The following MUC7 variants were observed in gnomAD, a reference collection of about 807,000 sequenced individuals.
MUC7 encodes mucin-7.
A neutral mutation model predicts 2.5 loss-of-function variants in MUC7; 2 were observed. That is an observed-to-expected ratio of 0.81 (90% CI 0.33 to 2.55). MUC7 has a LOEUF of 2.55. Among genes scored for constraint, MUC7 ranks in the 30% most tolerant of loss-of-function variants. The pLI, the probability that MUC7 is intolerant of heterozygous loss-of-function variation, is 0.11. For missense variants in MUC7, 408 were observed against 455.6 expected, an observed-to-expected ratio of 0.90 and a Z score of 0.95; for synonymous variants, 133 against 173.4, an observed-to-expected ratio of 0.77 and a Z score of 1.83.
chr4:70,464,631 A>G (rs973959001), intron 1 of MUC7, among the ~76,000 whole-genome samples: 7 of 152,150 alleles, frequency 4.6e-5, no homozygotes, highest in Admixed American at 1.3e-4. Flanking sequence ...AAAGCCACCA[A>G]GAGTTTGAAC....
At chr4:70,444,609 C>G (rs1245983389) in intron 1 of MUC7, among the ~76,000 whole-genome samples, 2 of 152,148 alleles carry the variant, frequency 1.3e-5, no homozygotes, top group Admixed American at 1.3e-4. Flanking sequence ...TTTTTTATAG[C>G]CACTGATTAT....
chr4:70,464,851 G>T lies in MUC7; in HGVS notation c.-92-7364G>T, dbSNP rs536230017. ...GCTGACTTAAACCTTCCCGCCTGCC[G>T]GCTCTGAAGAGAGCAATGAATCTCC... On this transcript the variant is annotated intron_variant, in intron 1 of 3. Coordinates refer to the MUC7 transcript ENST00000413702. Among the ~76,000 whole-genome samples, 5 of 152,276 alleles carry T rather than the reference G, an allele frequency of 3.3e-5. No homozygotes were observed. The East Asian group carries it at 9.7e-4, about 29-fold the overall frequency.
At chr4:70,436,421 T>C (rs1733834882) in intron 1 of MUC7, among the ~76,000 whole-genome samples, 2 of 152,112 alleles carry the variant, frequency 1.3e-5, no homozygotes, top group South Asian at 2.1e-4. Context: ...TTTTCTCTAG[T>C]CTTGTCTTCT....
At chr4:70,455,934 G>A (rs1359244972) in intron 1 of MUC7, among the ~76,000 whole-genome samples, 1 of 152,100 alleles carries the variant, frequency 6.6e-6, no homozygotes, top group Non-Finnish European at 1.5e-5. Context: ...CTTACCCCAT[G>A]TAATTTATGA....
intron 2 of MUC7, among the ~76,000 whole-genome samples, chr4:70,476,487 G>A (rs1735005071): frequency 6.6e-6 from 1 of 152,180 alleles, no homozygotes; most frequent in South Asian, 2.1e-4. Context: ...AGTGCCTGGT[G>A]AGAGAAAGAG....
rs985510904 is a variant in MUC7 at position 70,463,030 on chromosome 4, A to G, written c.-92-9185A>G. Among the ~76,000 whole-genome samples, 4 of 152,172 alleles carry G rather than the reference A, an allele frequency of 2.6e-5. No individual in the cohort carries two copies. In the East Asian group the frequency reaches 7.7e-4, roughly 29 times the overall value. Reference sequence around the variant, plus strand: ...AAATAAAACTGAAGCACTACTCTCTATCACTTTTGCAGGTCAATCTTCTGT... The same window carrying G: ...AAATAAAACTGAAGCACTACTCTCTGTCACTTTTGCAGGTCAATCTTCTGT... On this transcript the variant is annotated intron_variant, in intron 1 of 3. Transcript: ENST00000413702.
intron 1 of MUC7, among the ~76,000 whole-genome samples, chr4:70,462,221 GAA>G (rs1432018046): frequency 1.7e-4 from 2 of 11,564 alleles, no homozygotes; most frequent in Non-Finnish European, 4.9e-4. Context: ...TAAAAAAAAA[GAA>G]AGAGAGAGAG....
At chr4:70,435,833 T>C (rs941585018) in intron 1 of MUC7, among the ~76,000 whole-genome samples, 17 of 152,186 alleles carry the variant, frequency 1.1e-4, no homozygotes, top group African/African-American at 3.1e-4. Context: ...TTTGCAGTGG[T>C]TGGTACCGGT....
intron 1 of MUC7, among the ~76,000 whole-genome samples, chr4:70,473,146 G>T (rs1734886123): frequency 6.6e-6 from 1 of 152,108 alleles, no homozygotes; most frequent in South Asian, 2.1e-4. Context: ...CTTAGAAAAA[G>T]GGTATCGGCC....
chr4:70,474,035 C>T lies in MUC7; in HGVS notation c.14C>T (p.Pro5Leu), dbSNP rs776788624. 3.5e-5 allele frequency: 56 copies of T among 1,612,754 alleles called. No individual in the cohort carries two copies. Among genetic ancestry groups the T allele is most frequent in the Middle Eastern group, 3.3e-4 (2 of 6,052 alleles). MKTL[P>L]LFVCICALSA... is the part of the protein sequence containing the mutation. ...ACATCAGAAAGAATGAAAACTCTGC[C>T]GCTGTTTGTGTGCATCTGTGCACTG... Residue 5 changes from proline (P) to leucine (L), a missense_variant, in exon 2 of 3, where the codon CCG becomes CTG. Pro to Leu is a moderately conservative substitution (Grantham distance 98, BLOSUM62 -3). Coordinates refer to ENST00000304887, the MANE Select transcript of MUC7 (RefSeq NM_152291.3).
intron 1 of MUC7, among the ~76,000 whole-genome samples, chr4:70,450,304 T>C (rs1734249262): frequency 1.3e-5 from 2 of 152,110 alleles, no homozygotes; most frequent in Non-Finnish European, 2.9e-5. Context: ...GCTTGTCATG[T>C]ATGCTGTCTG....
chr4:70,457,504 G>T (rs914181524), intron 1 of MUC7, among the ~76,000 whole-genome samples: 13 of 151,368 alleles, frequency 8.6e-5, no homozygotes, highest in African/African-American at 3.2e-4. Flanking sequence ...AGAGAGAGAG[G>T]AGCCAAAAGT....
At chr4:70,446,211 A>G (rs528230801) in intron 1 of MUC7, among the ~76,000 whole-genome samples, 2 of 152,242 alleles carry the variant, frequency 1.3e-5, no homozygotes, top group Non-Finnish European at 2.9e-5. Context: ...TATTATAGAT[A>G]CATATGAATA....
chr4:70,464,607 C>G (rs1285331257), intron 1 of MUC7, among the ~76,000 whole-genome samples: 2 of 152,128 alleles, frequency 1.3e-5, no homozygotes, highest in Non-Finnish European at 2.9e-5. Flanking sequence ...TGGTTTTCCC[C>G]TCACAGTGTA....
At chr4:70,437,445 C>T (rs112832785) in intron 1 of MUC7, among the ~76,000 whole-genome samples, 39 of 152,350 alleles carry the variant, frequency 2.6e-4, no homozygotes, top group South Asian at 1.4e-3. Context: ...CCCCTCCCCC[C>T]GCCACGCTGT....
At chr4:70,464,205 C>T (rs762912608) in intron 1 of MUC7, among the ~76,000 whole-genome samples, 36 of 152,172 alleles carry the variant, frequency 2.4e-4, no homozygotes, top group Non-Finnish European at 7.3e-5. Flanking sequence ...TGAGGAATGG[C>T]GCATTCTGGC....
intron 1 of MUC7, among the ~76,000 whole-genome samples, chr4:70,462,823 T>G (rs887555105): frequency 4.6e-5 from 7 of 151,822 alleles, no homozygotes; most frequent in African/African-American, 1.5e-4. Context: ...AAAAAATAAA[T>G]TAGCTTGGCA....
At chr4:70,469,986 T>C (rs34112074), upstream of MUC7, among the ~76,000 whole-genome samples, 28,163 of 152,152 alleles carry the variant, frequency 0.19, 2,980 homozygotes, top group African/African-American at 0.27. Flanking sequence ...CTATTTACAA[T>C]AGCAAAGACT....
At chr4:70,455,134 T>C (rs1187216593) in intron 1 of MUC7, among the ~76,000 whole-genome samples, 1 of 152,162 alleles carries the variant, frequency 6.6e-6, no homozygotes, top group Non-Finnish European at 1.5e-5. Flanking sequence ...TTTTTCTAAA[T>C]TATTTATTCT....
Sources: gnomAD v4.1 joint callset for allele counts (sites outside exome capture counted in the v4.1 genomes callset) on GRCh38, gnomAD v4.1.1 for gene constraint, MANE v1.5 for transcripts, NCBI Gene and HGNC (gene_info 2026-07-23, HGNC 2026-07-21) for gene names.